Variants in EPC1 observed in about 807,000 individuals in gnomAD.
The protein encoded by EPC1 is enhancer of polycomb 1, also known as enhancer of polycomb homolog 1.
EPC1 carries 12 observed loss-of-function variants against 98.4 expected under a neutral mutation model. That is an observed-to-expected ratio of 0.12 (90% CI 0.08 to 0.20). The LOEUF (loss-of-function observed/expected upper bound fraction) is 0.20, where lower values mean the gene tolerates loss of function less well. Ranked by LOEUF, EPC1 falls within the 10% of genes least tolerant of loss-of-function variation. The probability of loss-of-function intolerance (pLI) is 1.00; values close to 1 mark genes in which losing one functional copy is unlikely to be tolerated. For missense variants in EPC1, 729 were observed against 990.5 expected, an observed-to-expected ratio of 0.74 and a Z score of 3.54; for synonymous variants, 357 against 363.9, an observed-to-expected ratio of 0.98 and a Z score of 0.21.
At chr10:32,270,644 G>A (rs1472507877) in intron 13 of EPC1, among the ~76,000 whole-genome samples, 1 of 151,940 alleles carries the variant, frequency 6.6e-6, no homozygotes, top group East Asian at 1.9e-4. Context: ...GGCCAACATG[G>A]TGAAACCCCG....
chr10:32,300,772 T>C (rs1021401243), intron 2 of EPC1, among the ~76,000 whole-genome samples: 2 of 152,110 alleles, frequency 1.3e-5, no homozygotes, highest in African/African-American at 4.8e-5. Context: ...TATTGTACTT[T>C]TATTGTTGTG....
rs192531498 is a variant in EPC1 at position 32,311,901 on chromosome 10, T to C, written c.154-5970A>G. Among the ~76,000 whole-genome samples, 324 of 152,368 alleles carry C rather than the reference T, an allele frequency of 2.1e-3. 14 individuals carry two copies. The highest frequency in any genetic ancestry group is 0.018 in the Admixed American group (276 of 15,310). ...GAAGTGAGGTGAATAAGGTAGGCAC[T>C]GTGATGTAGTGTTAGACTACTACTG... On this transcript the variant is annotated intron_variant, in intron 1 of 13. Coordinates refer to ENST00000319778, the MANE Select transcript of EPC1 (RefSeq NM_001272004.3).
At chr10:32,354,752 T>C (rs1839221962) in intron 1 of EPC1, among the ~76,000 whole-genome samples, 1 of 152,130 alleles carries the variant, frequency 6.6e-6, no homozygotes, top group Non-Finnish European at 1.5e-5. Flanking sequence ...CAAAGCTTCA[T>C]CTGTATTTAC....
intron 1 of EPC1, among the ~76,000 whole-genome samples, chr10:32,375,216 G>A (rs1021243432): frequency 9.9e-5 from 15 of 152,026 alleles, no homozygotes; most frequent in African/African-American, 2.4e-4. Context: ...TATATTGTGC[G>A]TGATTTCACA....
At chr10:32,289,233 G>C (rs945901511) in intron 6 of EPC1, among the ~76,000 whole-genome samples, 5 of 151,902 alleles carry the variant, frequency 3.3e-5, no homozygotes, top group Non-Finnish European at 7.4e-5. Flanking sequence ...CAGTATTTTG[G>C]GGCACAGCTC....
intron 1 of EPC1, among the ~76,000 whole-genome samples, chr10:32,321,519 G>A (rs746463985): frequency 4.6e-5 from 7 of 151,950 alleles, no homozygotes; most frequent in Non-Finnish European, 7.4e-5. Context: ...ACCCCGCTTA[G>A]ATCCATTTAA....
intron 1 of EPC1, among the ~76,000 whole-genome samples, chr10:32,336,049 G>C (rs918545422): frequency 6.7e-6 from 1 of 148,822 alleles, no homozygotes; most frequent in East Asian, 2.0e-4. Flanking sequence ...GGTCCATCAT[G>C]ATAATCTACT....
At chr10:32,310,679 G>A (rs1057432772) in intron 1 of EPC1, among the ~76,000 whole-genome samples, 2 of 152,108 alleles carry the variant, frequency 1.3e-5, no homozygotes, top group African/African-American at 4.8e-5. Flanking sequence ...TTCAAGACCA[G>A]CCTGGCTAAC....
At chr10:32,349,680 C>T (rs1441164634), upstream of EPC1, among the ~76,000 whole-genome samples, 2 of 152,196 alleles carry the variant, frequency 1.3e-5, no homozygotes, top group Non-Finnish European at 2.9e-5. Flanking sequence ...TGGCTTACTG[C>T]AGGCTTGAAC....
chr10:32,285,153 T>C lies in EPC1; in HGVS notation c.1392-103A>G, dbSNP rs1836613982. ...CCCCAACTGCCAAAAGGCCAACTCA[T>C]ACTGAATATTTAAAAGCTTTAAAGT... On this transcript the variant is annotated intron_variant, in intron 9 of 13. Transcript: ENST00000319778. 4.9e-6 allele frequency: 4 copies of C among 808,394 alleles called. No individual in the cohort carries two copies. The Admixed American group carries it at 8.9e-5, about 18-fold the overall frequency. The allele number at this position is 808,394 out of a possible 1,614,324, so 50.1% of individuals were successfully genotyped here. A position where few individuals can be genotyped will look rare whatever the true frequency, so the allele number is the denominator to read the frequency against.
In EPC1 at chr10:32,355,104, C is replaced by G. The variant is rs180978289; in HGVS notation, c.3+23387G>C. On this transcript the variant is annotated intron_variant, in intron 1 of 13. Coordinates refer to the EPC1 transcript ENST00000375110. The stretch of plus-strand genomic sequence containing the variant: ...AGGGGGAGCACTCCCTCCCCTGGAT[C>G]CATAGAAAAGTTGTCTCCCATGAAA... Among the ~76,000 whole-genome samples the G allele has an allele frequency of 3.3e-3, 500 of 152,286 alleles. 5 individuals carry two copies. The highest frequency in any genetic ancestry group is 0.011 in the African/African-American group (471 of 41,548).
At chr10:32,305,243 C>G (rs1381855087) in intron 2 of EPC1, among the ~76,000 whole-genome samples, 1 of 152,252 alleles carries the variant, frequency 6.6e-6, no homozygotes, top group Non-Finnish European at 1.5e-5. Flanking sequence ...TGGGCCAATT[C>G]TGGCCTGCCA....
At position 32,371,890 on chromosome 10, in the gene EPC1, G is replaced by A. The variant is rs937457422; in HGVS notation, c.3+6601C>T. Among the ~76,000 whole-genome samples, 4 of 144,406 alleles carry A rather than the reference G, an allele frequency of 2.8e-5. No homozygotes were observed. In the Admixed American group the frequency reaches 2.8e-4, roughly 10 times the overall value. The allele number at this position is 144,406 out of a possible 152,430, so 94.7% of individuals were successfully genotyped here. ...TGCACTTCAGACTGGGCAGCAGAGGGAGACTCCATCTCAAAAAATAAAACA... is the reference window on the plus strand; with the variant it reads ...TGCACTTCAGACTGGGCAGCAGAGGAAGACTCCATCTCAAAAAATAAAACA... On this transcript the variant is annotated intron_variant, in intron 1 of 13. Coordinates refer to the EPC1 transcript ENST00000375110.
chr10:32,364,301 T>C lies in EPC1; in HGVS notation c.3+14190A>G, dbSNP rs879679787. Among the ~76,000 whole-genome samples the C allele has an allele frequency of 2.7e-4, 41 of 152,242 alleles. 1 individual carries two copies. The highest frequency in any genetic ancestry group is 1.6e-3 in the Admixed American group (24 of 15,302). ...TGCCCGCCTCAGCCTCCCAAAGTGC[T>C]GGGCTTACAGGCATGAGCTATTGTG... On this transcript the variant is annotated intron_variant, in intron 1 of 13. Coordinates refer to the EPC1 transcript ENST00000375110.
At chr10:32,346,735 T>G in intron 1 of EPC1, 28 bp downstream of exon 1, 1 of 1,602,400 alleles carries the variant, frequency 6.2e-7, no homozygotes, top group South Asian at 1.1e-5. Context: ...GGCCTGACGG[T>G]GGGTCGGACA....
Position 32,346,680 on chromosome 10 carries a change from T to G in EPC1, c.153+83A>C, listed in dbSNP as rs1051935322. 3.1e-5 allele frequency: 42 copies of G among 1,338,382 alleles called. No individual in the cohort carries two copies. In the South Asian group the frequency reaches 4.0e-4, roughly 13 times the overall value. The allele number at this position is 1,338,382 out of a possible 1,614,324, so 82.9% of individuals were successfully genotyped here. On this transcript the variant is annotated intron_variant, in intron 1 of 13. Transcript: ENST00000319778. Reference sequence around the variant, plus strand: ...CGAAGAGAAGATGGCGGCCATTTTGTGTGGGTTTGCTGCTCCGCCGCCGCC... The same window carrying G: ...CGAAGAGAAGATGGCGGCCATTTTGGGTGGGTTTGCTGCTCCGCCGCCGCC...
At chr10:32,279,309 C>T (rs1048422944) in intron 10 of EPC1, among the ~76,000 whole-genome samples, 1 of 150,166 alleles carries the variant, frequency 6.7e-6, no homozygotes, top group Non-Finnish European at 1.5e-5. Flanking sequence ...GATCGTGCTA[C>T]TGCACTCCAG....
chr10:32,338,381 T>C (rs924185341), intron 1 of EPC1, among the ~76,000 whole-genome samples: 1 of 152,190 alleles, frequency 6.6e-6, no homozygotes, highest in African/African-American at 2.4e-5. Flanking sequence ...ATCATCACTC[T>C]TGCCCAGTAT....
intron 1 of EPC1, among the ~76,000 whole-genome samples, chr10:32,321,983 A>G (rs1836953773): frequency 6.6e-6 from 1 of 151,162 alleles, no homozygotes; most frequent in African/African-American, 2.4e-5. Flanking sequence ...AAGTAAGAGC[A>G]GGTTTCTTAG....
Sources: allele counts gnomAD v4.1 joint callset (sites outside exome capture counted in the v4.1 genomes callset), GRCh38; gene constraint gnomAD v4.1.1; transcripts MANE v1.5; gene names NCBI Gene and HGNC (gene_info 2026-07-23, HGNC 2026-07-21).